Variants in ANKRD34C observed in about 807,000 individuals in gnomAD.
ANKRD34C encodes the protein ankyrin repeat domain 34C.
For synonymous variants in ANKRD34C, 260 were observed against 253.6 expected, an observed-to-expected ratio of 1.03 and a Z score of -0.24; for missense variants, 563 against 653.0, an observed-to-expected ratio of 0.86 and a Z score of 1.50.
rs1282020952 is a variant in ANKRD34C, at chr15:79,294,938, A to G, written c.*46A>G. 1.6e-5 allele frequency: 23 copies of G among 1,467,388 alleles called. No homozygotes were observed. Among genetic ancestry groups the G allele is most frequent in the Non-Finnish European group, 2.0e-5 (22 of 1,109,788 alleles). The allele number at this position is 1,467,388 out of a possible 1,614,324, so 90.9% of individuals were successfully genotyped here. A position where few individuals can be genotyped will look rare whatever the true frequency, so the allele number is the denominator to read the frequency against. ...ATAGTCAATATAGTTTATGGAAGGG[A>G]CTATGGATGAGACTGCTTCCTGATC... is the stretch of plus-strand genomic sequence containing the variant. On this transcript the variant is annotated 3_prime_UTR_variant, in exon 2 of 2. Transcript: ENST00000421388.
In ANKRD34C at chr15:79,293,079, T is replaced by C. The variant is rs74811675; in HGVS notation, c.-44-162T>C. ...ACCCCCCCTGCGTCATGACACACTATTACAGATGCAGAAACTAACTCAGCA... is the reference window on the plus strand; with the variant it reads ...ACCCCCCCTGCGTCATGACACACTACTACAGATGCAGAAACTAACTCAGCA... On this transcript the variant is annotated intron_variant, in intron 1 of 1. Coordinates refer to ENST00000421388, the MANE Select transcript of ANKRD34C (RefSeq NM_001146341.2). Among the ~76,000 whole-genome samples the C allele has an allele frequency of 2.8e-3, 423 of 152,312 alleles. 3 individuals are homozygous for C. The highest frequency in any genetic ancestry group is 0.017 in the East Asian group (86 of 5,188).
chr15:79,287,460 C>T (rs2058648377), intron 1 of ANKRD34C, among the ~76,000 whole-genome samples: 1 of 152,208 alleles, frequency 6.6e-6, no homozygotes, highest in Non-Finnish European at 1.5e-5. Flanking sequence ...ATTGTAAATA[C>T]TTAGCAGCCA....
intron 1 of ANKRD34C, among the ~76,000 whole-genome samples, chr15:79,291,675 A>T (rs2870433): frequency 0.35 from 52,697 of 149,034 alleles, 9,278 homozygotes; most frequent in East Asian, 0.49. Flanking sequence ...GGATGGAGAG[A>T]CAGAAACGGA....
intron 1 of ANKRD34C, among the ~76,000 whole-genome samples, chr15:79,286,651 C>G (rs1054639631): frequency 2.0e-5 from 3 of 152,202 alleles, no homozygotes; most frequent in Admixed American, 6.5e-5. Context: ...GAGTCTTTCT[C>G]TATCTCCCTG....
At chr15:79,290,821 T>A (rs1309566067) in intron 1 of ANKRD34C, among the ~76,000 whole-genome samples, 2 of 152,208 alleles carry the variant, frequency 1.3e-5, no homozygotes, top group African/African-American at 4.8e-5. Flanking sequence ...AATTACTGTG[T>A]CAGAGTGTGG....
chr15:79,286,247 C>T (rs371027743), intron 1 of ANKRD34C, among the ~76,000 whole-genome samples: 15 of 127,224 alleles, frequency 1.2e-4, no homozygotes, highest in African/African-American at 2.3e-4. Context: ...GGGGGGTTGG[C>T]GGGTAGAGAC....
At chr15:79,292,185 C>T (rs1374473924) in intron 1 of ANKRD34C, among the ~76,000 whole-genome samples, 1 of 152,186 alleles carries the variant, frequency 6.6e-6, no homozygotes, top group East Asian at 1.9e-4. Context: ...CCTGGAGGCA[C>T]AAAAAGCCTG....
At position 79,282,952 on chromosome 15, in the gene ANKRD34C, C is replaced by T. The variant is rs35531114; in HGVS notation, c.-321C>T. On this transcript the variant is annotated 5_prime_UTR_variant, in exon 1 of 2. Coordinates refer to ENST00000421388, the MANE Select transcript of ANKRD34C (RefSeq NM_001146341.2). ...AAACCCAAAACTCCCCTGCTCCCAC[C>T]GCAACTTGGAGGAGCGGTGGACCGA... Among the ~76,000 whole-genome samples the T allele has an allele frequency of 0.089, 13,623 of 152,334 alleles. 680 individuals carry two copies. The highest frequency in any genetic ancestry group is 0.13 in the Middle Eastern group (39 of 294).
At position 79,297,571 on chromosome 15, in the gene ANKRD34C, C is replaced by T. The variant is rs887982282; in HGVS notation, c.*2679C>T. On this transcript the variant is annotated 3_prime_UTR_variant, in exon 2 of 2. Transcript: ENST00000421388. ...CATGCCACTCATTGCCTGCATCAGT[C>T]AGTCATGACCTTTGCATCAGCCTTT... is the stretch of plus-strand genomic sequence containing the variant. 6.0e-6 allele frequency: 1 copy of T among 167,076 alleles called. No individual in the cohort carries two copies. 10.3% of individuals were successfully genotyped at this position (167,076 alleles called of 1,614,324 possible). A position where few individuals can be genotyped will look rare whatever the true frequency, so the allele number is the denominator to read the frequency against.
In ANKRD34C at chr15:79,294,657, C is replaced by G. The variant is rs1455018782; in HGVS notation, c.1373C>G (p.Thr458Ser). 3 of 1,551,712 alleles carry G rather than the reference C, an allele frequency of 1.9e-6. No individual in the cohort carries two copies. The Admixed American group carries it at 5.9e-5, about 30-fold the overall frequency. ...CTGCTCCTTGATCGCATTTCTCACA[C>G]TAGGCCTGGCTTCCTGCCGCCTTTA... ...GTLLLDRISH[T>S]RPGFLPPLNV... Residue 458 changes from threonine to serine, a missense_variant, in exon 2 of 2, where the codon ACT (threonine) becomes AGT (serine). Coordinates refer to ENST00000421388, the MANE Select transcript of ANKRD34C (RefSeq NM_001146341.2).
At chr15:79,291,589 CACACACACACACAGAGAGAG>C (rs1423331213) in intron 1 of ANKRD34C, among the ~76,000 whole-genome samples, 38 of 118,488 alleles carry the variant, frequency 3.2e-4, no homozygotes, top group Admixed American at 2.7e-4. Context: ...CACACACACA[CACACACACACACAGAGAGAG>C]AGAGAGAGAG....
At chr15:79,292,359 A>G (rs1387583957) in intron 1 of ANKRD34C, among the ~76,000 whole-genome samples, 1 of 152,262 alleles carries the variant, frequency 6.6e-6, no homozygotes, top group Admixed American at 6.5e-5. Context: ...CAAAAGAATC[A>G]AAACAGAAAA....
chr15:79,291,583 C>T (rs2058659377), intron 1 of ANKRD34C, among the ~76,000 whole-genome samples: 1 of 116,880 alleles, frequency 8.6e-6, no homozygotes, highest in Middle Eastern at 3.9e-3. Flanking sequence ...CACACACACA[C>T]ACACACACAC....
At chr15:79,283,980 A>G (rs1043342257) in intron 1 of ANKRD34C, 2 of 152,228 alleles carry the variant, frequency 1.3e-5, no homozygotes, top group Non-Finnish European at 2.9e-5. Context: ...GAAGAGGCGG[A>G]GTGTAAAGAT....
At position 79,294,231 on chromosome 15, in the gene ANKRD34C, A is replaced by C. The variant is rs1431971435; in HGVS notation, c.947A>C (p.Gln316Pro). 1.7e-5 allele frequency: 27 copies of C among 1,551,616 alleles called. No individual in the cohort carries two copies. Among genetic ancestry groups the C allele is most frequent in the Non-Finnish European group, 2.2e-5 (25 of 1,146,934 alleles). The change falls in exon 2 of 2, where the codon CAG becomes CCG. Residue 316 changes from glutamine (Q) to proline (P), a missense_variant. Coordinates refer to ENST00000421388, the MANE Select transcript of ANKRD34C (RefSeq NM_001146341.2). Reference sequence around the variant, plus strand: ...ACCCTCTTTCACACAGTCACAGAGCAGGTTCTGAAGATTCCAGTCTCTTCA... The same window carrying C: ...ACCCTCTTTCACACAGTCACAGAGCCGGTTCTGAAGATTCCAGTCTCTTCA... ...DPTLFHTVTE[Q>P]VLKIPVSSAP...
In ANKRD34C at chr15:79,295,774, A is replaced by G. The variant is rs2058670809; in HGVS notation, c.*882A>G. 6.0e-6 allele frequency: 1 copy of G among 166,748 alleles called. No individual in the cohort carries two copies. The highest frequency in any genetic ancestry group is 1.5e-5 in the Non-Finnish European group (1 of 68,118). 10.3% of individuals were successfully genotyped at this position (166,748 alleles called of 1,614,324 possible). Reference sequence around the variant, plus strand: ...GAGATCTTCCCAAACCAGAATGACAACTGAGGATGAGATGTGCATAGATTA... The same window carrying G: ...GAGATCTTCCCAAACCAGAATGACAGCTGAGGATGAGATGTGCATAGATTA... On this transcript the variant is annotated 3_prime_UTR_variant, in exon 2 of 2. Transcript: ENST00000421388.
rs2141203691 is a variant in ANKRD34C at position 79,294,667 on chromosome 15, C to T, written c.1383C>T (p.Gly461=). ...ATCGCATTTCTCACACTAGGCCTGG[C>T]TTCCTGCCGCCTTTAAATGTGAATC... ...LLDRISHTRP[G]FLPPLNVNLN... is the part of the protein sequence containing the mutation. Residue 461 remains glycine, a synonymous_variant, in exon 2 of 2, where the codon GGC becomes GGT. Coordinates refer to ENST00000421388, the MANE Select transcript of ANKRD34C (RefSeq NM_001146341.2). The T allele has an allele frequency of 6.4e-7, 1 of 1,551,732 alleles. No homozygotes were observed. The highest frequency in any genetic ancestry group is 8.7e-7 in the Non-Finnish European group (1 of 1,147,002).
intron 1 of ANKRD34C, among the ~76,000 whole-genome samples, chr15:79,286,364 G>A (rs891379468): frequency 3.3e-5 from 5 of 152,124 alleles, no homozygotes; most frequent in Admixed American, 2.0e-4. Flanking sequence ...AATTTTTAAA[G>A]ACAAAAATAT....
At chr15:79,290,449 C>A (rs999752629) in intron 1 of ANKRD34C, among the ~76,000 whole-genome samples, 1 of 152,152 alleles carries the variant, frequency 6.6e-6, no homozygotes, top group Non-Finnish European at 1.5e-5. Flanking sequence ...CTGGGTGTTT[C>A]TTCCACTAGT....
Sources: gnomAD v4.1 joint callset for allele counts (sites outside exome capture counted in the v4.1 genomes callset) on GRCh38, gnomAD v4.1.1 for gene constraint, MANE v1.5 for transcripts, NCBI Gene and HGNC (gene_info 2026-07-23, HGNC 2026-07-21) for gene names.